Variants in C12orf42 observed in about 807,000 individuals in gnomAD.
C12orf42 encodes the protein chromosome 12 open reading frame 42.
In C12orf42, 25 loss-of-function variants were observed where a neutral mutation model predicts 21.6. The ratio of observed to expected loss-of-function variants is 1.16; its 90% CI spans 0.84 to 1.62. C12orf42 has a LOEUF of 1.62. Among genes scored for constraint, C12orf42 ranks in the 40% most tolerant of loss-of-function variants. C12orf42 has a pLI of 0.00. For missense variants in C12orf42, 483 were observed against 459.3 expected, an observed-to-expected ratio of 1.05 and a Z score of -0.47; for synonymous variants, 174 against 175.0, an observed-to-expected ratio of 0.99 and a Z score of 0.05.
chr12:103,298,899 G>A (rs1025063859), downstream of C12orf42, among the ~76,000 whole-genome samples: 28 of 152,232 alleles, frequency 1.8e-4, no homozygotes, highest in African/African-American at 6.7e-4. Flanking sequence ...AAAGAACTAT[G>A]TCACAATAAT....
At chr12:103,048,818 T>C in the C12orf42 span, among the ~76,000 whole-genome samples, 2 of 152,192 alleles carry the variant, frequency 1.3e-5, no homozygotes, top group Admixed American at 1.3e-4. Flanking sequence ...ATTGCGCCCT[T>C]ATCCCTCATT....
At chr12:103,353,219 C>T (rs1356070506) in intron 4 of C12orf42, among the ~76,000 whole-genome samples, 1 of 151,244 alleles carries the variant, frequency 6.6e-6, no homozygotes, top group Non-Finnish European at 1.5e-5. Flanking sequence ...AGGGTTTGGA[C>T]CAATGGACTG....
chr12:103,059,261 C>T, the C12orf42 span, among the ~76,000 whole-genome samples: 3,411 of 152,252 alleles, frequency 0.022, 55 homozygotes, highest in African/African-American at 0.044. Context: ...CATACACTCT[C>T]CCAAGACTGA....
At chr12:103,437,338 A>G (rs535195987) in intron 2 of C12orf42, among the ~76,000 whole-genome samples, 2 of 150,660 alleles carry the variant, frequency 1.3e-5, no homozygotes, top group East Asian at 3.9e-4. Context: ...CATCACAATT[A>G]AAAGAACTAA....
intron 4 of C12orf42, among the ~76,000 whole-genome samples, chr12:103,309,164 A>C (rs942109156): frequency 1.3e-5 from 2 of 152,180 alleles, no homozygotes; most frequent in Admixed American, 1.3e-4. Context: ...TCCAATGTAC[A>C]CATGTTGTCC....
At chr12:103,541,860 A>C in the C12orf42 span, among the ~76,000 whole-genome samples, 1 of 152,350 alleles carries the variant, frequency 6.6e-6, no homozygotes, top group South Asian at 2.1e-4. Flanking sequence ...AACAAAATTA[A>C]AAGTGATGAA....
chr12:103,421,578 T>TATAAATAA (rs58157140), intron 2 of C12orf42, among the ~76,000 whole-genome samples: 4,023 of 147,240 alleles, frequency 0.027, 77 homozygotes, highest in African/African-American at 0.051. Context: ...TGTCAATAAA[T>TATAAATAA]ATAAATAAAT....
At chr12:103,474,369 G>A (rs553154074) in intron 2 of C12orf42, among the ~76,000 whole-genome samples, 61 of 152,154 alleles carry the variant, frequency 4.0e-4, no homozygotes, top group Admixed American at 7.2e-4. Flanking sequence ...ATCAGAAAGA[G>A]AGTCTGGCTG....
At chr12:103,089,101 C>CAAAAAAAAAAAAAAAAAAAAA in the C12orf42 span, among the ~76,000 whole-genome samples, 2 of 54,846 alleles carry the variant, frequency 3.6e-5, no homozygotes, top group Non-Finnish European at 6.2e-5. Context: ...GACTCCATCT[C>CAAAAAAAAAAAAAAAAAAAAA]AAAAAAAAAA....
At chr12:103,313,130 C>G (rs1477614387) in intron 4 of C12orf42, among the ~76,000 whole-genome samples, 1 of 152,162 alleles carries the variant, frequency 6.6e-6, no homozygotes, top group African/African-American at 2.4e-5. Flanking sequence ...AGAAATGAAA[C>G]AGAGACAATT....
chr12:103,486,975 T>C (rs979957709), intron 1 of C12orf42, among the ~76,000 whole-genome samples: 1 of 152,254 alleles, frequency 6.6e-6, no homozygotes. Context: ...GCTCTGATCT[T>C]AGTTATTTCT....
intron 2 of C12orf42, among the ~76,000 whole-genome samples, chr12:103,412,278 T>C (rs1168236807): frequency 6.6e-6 from 1 of 152,184 alleles, no homozygotes; most frequent in Non-Finnish European, 1.5e-5. Flanking sequence ...AACTAAACAC[T>C]AAGATTGTTT....
At chr12:103,203,919 T>G in the C12orf42 span, among the ~76,000 whole-genome samples, 2 of 152,178 alleles carry the variant, frequency 1.3e-5, no homozygotes, top group Non-Finnish European at 2.9e-5. Flanking sequence ...AAATTTATTT[T>G]TGATAGGAAG....
At chr12:103,441,476 G>C (rs1432917378) in intron 2 of C12orf42, 1 of 152,034 alleles carries the variant, frequency 6.6e-6, no homozygotes, top group Non-Finnish European at 1.5e-5. Flanking sequence ...ACCTCTTCCT[G>C]CCCACCATGG....
chr12:103,134,406 G>C, the C12orf42 span, among the ~76,000 whole-genome samples: 1 of 151,890 alleles, frequency 6.6e-6, no homozygotes, highest in Non-Finnish European at 1.5e-5. Context: ...TTATCAAAGA[G>C]CTAGATACCA....
chr12:103,507,141 A>C, the C12orf42 span, among the ~76,000 whole-genome samples: 1 of 18,922 alleles, frequency 5.3e-5, no homozygotes, highest in Non-Finnish European at 7.0e-5. Context: ...TATATTATAT[A>C]TATAATATAA....
chr12:103,236,870 T>C (rs769270100), downstream of C12orf42, among the ~76,000 whole-genome samples: 14 of 152,168 alleles, frequency 9.2e-5, no homozygotes, highest in Non-Finnish European at 1.2e-4. Flanking sequence ...AGAAAATCAA[T>C]CTTTCGTTAA....
intron 4 of C12orf42, chr12:103,368,207 GAC>G: frequency 2.0e-6 from 1 of 489,102 alleles, no homozygotes; most frequent in South Asian, 1.6e-5. Flanking sequence ...TTTTGGGCTT[GAC>G]ACAAAATGAT....
intron 2 of C12orf42, among the ~76,000 whole-genome samples, chr12:103,416,058 G>T: frequency 6.7e-6 from 1 of 148,698 alleles, no homozygotes; most frequent in Admixed American, 6.7e-5. Context: ...TGGCCTTTCT[G>T]CAACTGAGTG....
Sources: gnomAD v4.1 joint callset for allele counts (sites outside exome capture counted in the v4.1 genomes callset) on GRCh38, gnomAD v4.1.1 for gene constraint, MANE v1.5 for transcripts, NCBI Gene and HGNC (gene_info 2026-07-23, HGNC 2026-07-21) for gene names.